Variants in ERC2 observed in about 807,000 individuals in gnomAD.
The protein encoded by ERC2 is ELKS/RAB6-interacting/CAST family member 2, also known as ERC protein 2.
ERC2 carries 42 observed loss-of-function variants against 114.8 expected under a neutral mutation model. The ratio of observed to expected loss-of-function variants is 0.37; its 90% CI spans 0.29 to 0.47. The LOEUF is 0.47. ERC2 is among the 20% of genes least tolerant of loss of function. The pLI is 0.99. For missense variants in ERC2, 939 were observed against 1,150.7 expected (o/e 0.82, Z 2.66); for synonymous variants, 454 against 425.5 (o/e 1.07, Z -0.82).
chr3:56,371,906 G>C (rs1472751236), intron 2 of ERC2, among the ~76,000 whole-genome samples: 2 of 152,228 alleles, frequency 1.3e-5, no homozygotes, highest in Non-Finnish European at 2.9e-5. Context: ...ACCATCTTCT[G>C]TATACGCTAT....
At chr3:56,169,530 A>C (rs551088302) in intron 4 of ERC2, among the ~76,000 whole-genome samples, 1 of 152,314 alleles carries the variant, frequency 6.6e-6, no homozygotes, top group East Asian at 1.9e-4. Context: ...GCTCACAGGC[A>C]GGGAGAGGTT....
At chr3:55,518,339 C>T (rs561513576) in intron 17 of ERC2, among the ~76,000 whole-genome samples, 3 of 152,322 alleles carry the variant, frequency 2.0e-5, no homozygotes, top group Admixed American at 2.0e-4. Context: ...TTCTAAGCTG[C>T]TTTCATATTA....
chr3:55,951,998 C>T (rs887450912), intron 12 of ERC2, among the ~76,000 whole-genome samples: 7 of 151,414 alleles, frequency 4.6e-5, no homozygotes, highest in African/African-American at 1.2e-4. Flanking sequence ...TAACAGTGTA[C>T]TCCTTGCTAA....
At chr3:55,949,985 A>T (rs946100835) in intron 13 of ERC2, among the ~76,000 whole-genome samples, 4 of 152,220 alleles carry the variant, frequency 2.6e-5, no homozygotes, top group Non-Finnish European at 5.9e-5. Flanking sequence ...ACAGTCTTGA[A>T]CAAAACAAAA....
chr3:55,955,248 T>TGTGTGTG, intron 12 of ERC2: 1 of 359,198 alleles, frequency 2.8e-6, no homozygotes, highest in Non-Finnish European at 5.7e-6. Context: ...GGTGGTGTGT[T>TGTGTGTG]TGTGTGTGTG....
At chr3:55,716,985 T>A (rs2064157989) in intron 15 of ERC2, among the ~76,000 whole-genome samples, 1 of 152,156 alleles carries the variant, frequency 6.6e-6, no homozygotes. Flanking sequence ...GTCAACCAGA[T>A]CTATCAGCTT....
chr3:55,758,055 A>C (rs1352099146), intron 14 of ERC2, among the ~76,000 whole-genome samples: 4 of 152,158 alleles, frequency 2.6e-5, no homozygotes, highest in Admixed American at 2.6e-4. Context: ...TGAAATATTA[A>C]TGACTTAAAA....
At position 56,425,779 on chromosome 3, in the gene ERC2, C is replaced by T. The variant is rs1019014778; in HGVS notation, c.657+8572G>A. Among the ~76,000 whole-genome samples, 11 of 152,166 alleles carry T rather than the reference C, an allele frequency of 7.2e-5. No homozygotes were observed. In the South Asian group the frequency reaches 1.2e-3, roughly 17 times the overall value. The stretch of plus-strand genomic sequence containing the variant: ...ACTATGAATAACAGTTATCAATTAA[C>T]GGTTTCTGATGTTTTATCAATTGGT... On this transcript the variant is annotated intron_variant, in intron 2 of 17. Transcript: ENST00000288221.
intron 17 of ERC2, among the ~76,000 whole-genome samples, chr3:55,534,014 G>A (rs1287026850): frequency 1.3e-5 from 2 of 152,140 alleles, no homozygotes; most frequent in African/African-American, 4.8e-5. Flanking sequence ...TACTGGTCAT[G>A]TGCCTTGGGC....
intron 15 of ERC2, among the ~76,000 whole-genome samples, chr3:55,700,592 G>T (rs920078646): frequency 5.3e-5 from 8 of 152,172 alleles, no homozygotes; most frequent in African/African-American, 1.9e-4. Context: ...GTTGTTGTTT[G>T]CTGTAAGACA....
rs553938790 is a variant in ERC2, at chr3:56,343,062, T to C, written c.658-46627A>G. Among the ~76,000 whole-genome samples, 6 of 152,220 alleles carry C rather than the reference T, an allele frequency of 3.9e-5. No individual in the cohort carries two copies. In the South Asian group the frequency reaches 1.2e-3, roughly 32 times the overall value. ...AAGACTTGACAGACCCATACCAACC[T>C]TTCCCACCATCAGGTTGAATATTCC... On this transcript the variant is annotated intron_variant, in intron 2 of 17. Transcript: ENST00000288221.
chr3:55,728,017 G>A (rs1359285113), intron 15 of ERC2, among the ~76,000 whole-genome samples: 1 of 152,106 alleles, frequency 6.6e-6, no homozygotes, highest in Admixed American at 6.6e-5. Context: ...GAATATTGGG[G>A]TGAGAATTAT....
intron 8 of ERC2, among the ~76,000 whole-genome samples, chr3:56,012,614 G>A (rs1458060): frequency 0.15 from 22,894 of 152,170 alleles, 1,923 homozygotes; most frequent in East Asian, 0.38. Flanking sequence ...GCCAGAAGGT[G>A]TCAGAATCGT....
intron 1 of ERC2, among the ~76,000 whole-genome samples, chr3:56,454,436 T>A (rs1256997989): frequency 6.6e-6 from 1 of 152,130 alleles, no homozygotes; most frequent in Non-Finnish European, 1.5e-5. Context: ...GTCCCAGGGT[T>A]AACCACCCTT....
intron 16 of ERC2, among the ~76,000 whole-genome samples, chr3:55,688,135 G>A (rs547917777): frequency 5.9e-5 from 9 of 152,216 alleles, no homozygotes; most frequent in Admixed American, 1.3e-4. Context: ...AAGATCCCCC[G>A]CCAAAACAGG....
chr3:56,456,778 G>T (rs531206788), intron 1 of ERC2, among the ~76,000 whole-genome samples: 9 of 152,286 alleles, frequency 5.9e-5, no homozygotes, highest in South Asian at 2.1e-4. Flanking sequence ...ATATTCAGGT[G>T]ATTGCACAAA....
chr3:55,731,816 AG>A (rs1202241042), intron 15 of ERC2, among the ~76,000 whole-genome samples: 10 of 152,206 alleles, frequency 6.6e-5, no homozygotes, highest in African/African-American at 2.4e-4. Flanking sequence ...AGAGCTCAAA[AG>A]TATTAGTAAT....
At chr3:56,225,976 T>C (rs1237004621) in intron 3 of ERC2, among the ~76,000 whole-genome samples, 1 of 152,198 alleles carries the variant, frequency 6.6e-6, no homozygotes, top group African/African-American at 2.4e-5. Flanking sequence ...GAACTGCGCC[T>C]CATGCACTTG....
At chr3:55,756,738 C>G (rs548685334) in intron 14 of ERC2, among the ~76,000 whole-genome samples, 2 of 152,248 alleles carry the variant, frequency 1.3e-5, no homozygotes, top group Admixed American at 1.3e-4. Flanking sequence ...CCTGGAAGAT[C>G]ACTCTTTTTA....
Sources: allele counts gnomAD v4.1 joint callset (sites outside exome capture counted in the v4.1 genomes callset), GRCh38; gene constraint gnomAD v4.1.1; transcripts MANE v1.5; gene names NCBI Gene and HGNC (gene_info 2026-07-23, HGNC 2026-07-21).